TMEM87A: variants seen among roughly 807,000 people sequenced by gnomAD.
TMEM87A encodes the protein Golgi-pH regulating cation channel.
In TMEM87A, 50 loss-of-function variants were observed where a neutral mutation model predicts 90.0. The ratio of observed to expected loss-of-function variants is 0.56; its 90% CI spans 0.44 to 0.70. The LOEUF (loss-of-function observed/expected upper bound fraction) is 0.70, where lower values mean the gene tolerates loss of function less well. Among genes scored for constraint, TMEM87A ranks in the 30% least tolerant of loss-of-function variants. The probability of loss-of-function intolerance (pLI) is 0.00; values close to 1 mark genes in which losing one functional copy is unlikely to be tolerated. For missense variants in TMEM87A, 577 were observed against 660.5 expected, an observed-to-expected ratio of 0.87 and a Z score of 1.39; for synonymous variants, 226 against 226.7, an observed-to-expected ratio of 1.00 and a Z score of 0.03.
intron 2 of TMEM87A, among the ~76,000 whole-genome samples, chr15:42,270,499 G>A (rs1566944492): frequency 6.6e-6 from 1 of 152,180 alleles, no homozygotes; most frequent in Non-Finnish European, 1.5e-5. Flanking sequence ...GGGAGGCTGA[G>A]GCAGGAGAAT....
chr15:42,243,349 A>G (rs1566932801), intron 7 of TMEM87A, among the ~76,000 whole-genome samples: 1 of 151,366 alleles, frequency 6.6e-6, no homozygotes, highest in East Asian at 1.9e-4. Context: ...AGGAAATTGC[A>G]AAAACACAAA....
chr15:42,264,063 T>C (rs371399624), intron 4 of TMEM87A, 27 bp downstream of exon 4: 20 of 1,575,104 alleles, frequency 1.3e-5, no homozygotes, highest in Non-Finnish European at 1.7e-5. Flanking sequence ...CCTATTCTAT[T>C]TATCTCCAAT....
intron 3 of TMEM87A, among the ~76,000 whole-genome samples, chr15:42,265,197 T>A (rs902533527): frequency 6.6e-6 from 1 of 152,212 alleles, no homozygotes; most frequent in African/African-American, 2.4e-5. Flanking sequence ...TACGGTAGAA[T>A]GATTTATATT....
At chr15:42,258,973 C>G (rs2051234863) in intron 6 of TMEM87A, 4 of 918,828 alleles carry the variant, frequency 4.4e-6, no homozygotes, top group Non-Finnish European at 7.0e-6. Context: ...AATGTTTCTT[C>G]AAGAAAGGCA....
At chr15:42,247,504 T>C (rs1004122141) in intron 6 of TMEM87A, among the ~76,000 whole-genome samples, 1 of 152,242 alleles carries the variant, frequency 6.6e-6, no homozygotes, top group Non-Finnish European at 1.5e-5. Flanking sequence ...TTTCTACATA[T>C]GCCTAGCCAG....
chr15:42,255,288 C>T (rs1285001537), intron 6 of TMEM87A, among the ~76,000 whole-genome samples: 1 of 152,172 alleles, frequency 6.6e-6, no homozygotes, highest in African/African-American at 2.4e-5. Flanking sequence ...CATGTGCCAC[C>T]ATGCGCAGCT....
intron 6 of TMEM87A, among the ~76,000 whole-genome samples, chr15:42,251,955 C>T (rs1336628492): frequency 1.3e-5 from 2 of 152,236 alleles, no homozygotes; most frequent in African/African-American, 2.4e-5. Context: ...TCAGCAATGG[C>T]GATGCCCCTT....
In TMEM87A at chr15:42,243,102, T is replaced by C. The variant is rs185278145; in HGVS notation, c.622+948A>G. On this transcript the variant is annotated intron_variant, in intron 7 of 19. Coordinates refer to ENST00000389834, the MANE Select transcript of TMEM87A (RefSeq NM_015497.5). ...TAACACGGTGAAACTCCGTCTCCACTAAAAAATACAAAAAAATTAGCTGGG... is the reference window on the plus strand; with the variant it reads ...TAACACGGTGAAACTCCGTCTCCACCAAAAAATACAAAAAAATTAGCTGGG... Among the ~76,000 whole-genome samples, 218 of 151,746 alleles carry C rather than the reference T, an allele frequency of 1.4e-3. 2 individuals are homozygous for C. Among genetic ancestry groups the C allele is most frequent in the South Asian group, 7.3e-3 (35 of 4,800 alleles).
intron 6 of TMEM87A, chr15:42,258,428 CT>C: frequency 1.5e-6 from 1 of 672,416 alleles, no homozygotes; most frequent in African/African-American, 1.9e-5. Flanking sequence ...CAATGAATAT[CT>C]TTTTTCTTTT....
intron 6 of TMEM87A, among the ~76,000 whole-genome samples, chr15:42,247,901 A>G (rs1399516890): frequency 9.2e-5 from 14 of 152,118 alleles, no homozygotes; most frequent in African/African-American, 3.4e-4. Flanking sequence ...CACAATATTG[A>G]TTCTTCCTAT....
At position 42,231,259 on chromosome 15, in the gene TMEM87A, G is replaced by T; in HGVS notation, c.1064C>A (p.Ala355Asp). The T allele has an allele frequency of 6.4e-7, 1 of 1,567,776 alleles. No homozygotes were observed. Among genetic ancestry groups the T allele is most frequent in the Non-Finnish European group, 8.6e-7 (1 of 1,162,372 alleles). Residue 355 changes from alanine to aspartate, a missense_variant and splice_region_variant, in exon 12 of 20, where the codon GCC (alanine) becomes GAC (aspartate). Ala to Asp is a moderately radical substitution (Grantham distance 126). Transcript: ENST00000389834. ...GMEGVLRVTG[A>D]QTDLASLAFI... ...GGCCAAGGAAGCAAGATCAGTCTGG[G>T]CCTGCAGACAAAGAAAAAGAAGTGG...
intron 11 of TMEM87A, among the ~76,000 whole-genome samples, chr15:42,232,425 G>A (rs1417516231): frequency 6.6e-6 from 1 of 152,098 alleles, no homozygotes; most frequent in African/African-American, 2.4e-5. Flanking sequence ...CCCTGGCAAA[G>A]GGAATAATTA....
chr15:42,260,957 C>T lies in TMEM87A; in HGVS notation c.504+1G>A, dbSNP rs1566939940. 7 of 1,607,062 alleles carry T rather than the reference C, an allele frequency of 4.4e-6. No homozygotes were observed. Among genetic ancestry groups the T allele is most frequent in the East Asian group, 2.2e-5 (1 of 44,636 alleles). On this transcript the variant is annotated splice_donor_variant, in intron 6 of 19. Transcript: ENST00000389834. LOFTEE classifies it high-confidence loss of function. The stretch of plus-strand genomic sequence containing the variant: ...TGCCCCAAATCCCCAAATATACTTA[C>T]GGTTTTGTCTCCAATAAAGGTAAGG...
chr15:42,251,622 A>G (rs7182777), intron 6 of TMEM87A, among the ~76,000 whole-genome samples: 146,384 of 152,162 alleles, frequency 0.96, 70,609 homozygotes, highest in Non-Finnish European at 1. Flanking sequence ...TGGAAGCTTC[A>G]TCTCAGAGGG....
chr15:42,236,416 TG>T lies in TMEM87A; in HGVS notation c.871del (p.Gln291ArgfsTer4). The T allele has an allele frequency of 1.2e-6, 2 of 1,613,964 alleles. No homozygotes were observed. The highest frequency in any genetic ancestry group is 1.7e-6 in the Non-Finnish European group (2 of 1,179,840). Reference protein sequence around the residue: ...QNIRYKGESVQGALILAELLS... With the variant: ...QNIRYKGESVXGALILAELLS... ...CAGCTCTGCAAGGATCAAAGCACCC[TG>T]GACTATGAAAAAGAAGGGAAGAAAT... On this transcript the variant is annotated frameshift_variant and splice_region_variant, in exon 10 of 20. Coordinates refer to ENST00000389834, the MANE Select transcript of TMEM87A (RefSeq NM_015497.5). LOFTEE classifies it high-confidence loss of function.
chr15:42,240,118 T>G (rs146218825), intron 7 of TMEM87A, among the ~76,000 whole-genome samples: 1,581 of 152,290 alleles, frequency 0.01, 35 homozygotes, highest in African/African-American at 0.037. Context: ...TTACAACACA[T>G]CAGTAAAATA....
chr15:42,259,380 T>C (rs2051247321), intron 6 of TMEM87A, among the ~76,000 whole-genome samples: 1 of 152,110 alleles, frequency 6.6e-6, no homozygotes, highest in African/African-American at 2.4e-5. Context: ...CACCTAGGCC[T>C]CCCAAAGGAA....
intron 4 of TMEM87A, among the ~76,000 whole-genome samples, chr15:42,261,585 G>A (rs569571828): frequency 3.3e-5 from 5 of 151,588 alleles, no homozygotes; most frequent in African/African-American, 4.8e-5. Flanking sequence ...AGTAAAATGT[G>A]GCTCAAAACT....
chr15:42,247,785 CA>C (rs1281570012), intron 6 of TMEM87A, among the ~76,000 whole-genome samples: 30 of 152,190 alleles, frequency 2.0e-4, no homozygotes, highest in Middle Eastern at 3.4e-3. Context: ...TTTTTGGTTC[CA>C]TATGAACTTC....
Sources: gnomAD v4.1 joint callset for allele counts (sites outside exome capture counted in the v4.1 genomes callset) on GRCh38, gnomAD v4.1.1 for gene constraint, MANE v1.5 for transcripts, NCBI Gene and HGNC (gene_info 2026-07-23, HGNC 2026-07-21) for gene names.